The following NDUFAF6 variants were observed in gnomAD, a reference collection of about 807,000 sequenced individuals.
NDUFAF6 encodes the protein NADH:ubiquinone oxidoreductase complex assembly factor 6.
NDUFAF6 carries 45 observed loss-of-function variants against 40.8 expected under a neutral mutation model. The observed-to-expected ratio is 1.10, with a 90% CI of 0.87 to 1.42. The LOEUF is 1.42. Among genes scored for constraint, NDUFAF6 ranks in the 40% most tolerant of loss-of-function variants. The pLI, the probability that NDUFAF6 is intolerant of heterozygous loss-of-function variation, is 0.00. For synonymous variants in NDUFAF6, 185 were observed against 155.9 expected, an observed-to-expected ratio of 1.19 and a Z score of -1.39; for missense variants, 435 against 418.5, an observed-to-expected ratio of 1.04 and a Z score of -0.34.
chr8:95,105,600 C>G (rs1369497470), downstream of NDUFAF6, among the ~76,000 whole-genome samples: 2 of 152,154 alleles, frequency 1.3e-5, no homozygotes, highest in East Asian at 3.9e-4. Flanking sequence ...CTCCTGGGCT[C>G]AAGCAATTCT....
At chr8:95,003,243 G>A (rs1489398782) in intron 2 of NDUFAF6, among the ~76,000 whole-genome samples, 1 of 152,202 alleles carries the variant, frequency 6.6e-6, no homozygotes, top group African/African-American at 2.4e-5. Context: ...ATGAGCAGAA[G>A]AGACTCTCTG....
chr8:94,918,516 G>A (rs1819285660), intron 1 of NDUFAF6, among the ~76,000 whole-genome samples: 1 of 152,186 alleles, frequency 6.6e-6, no homozygotes, highest in African/African-American at 2.4e-5. Context: ...TACCCTGTGA[G>A]ATAGCTATAT....
chr8:95,083,813 G>A (rs1258003696), intron 2 of NDUFAF6, among the ~76,000 whole-genome samples: 1 of 152,150 alleles, frequency 6.6e-6, no homozygotes, highest in Non-Finnish European at 1.5e-5. Context: ...GATTTCTAAT[G>A]GAGACAAAGT....
At chr8:94,973,446 C>T (rs528699400) in intron 1 of NDUFAF6, among the ~76,000 whole-genome samples, 3 of 152,302 alleles carry the variant, frequency 2.0e-5, no homozygotes, top group South Asian at 2.1e-4. Flanking sequence ...CGGTGGCTCA[C>T]GCCTGTAATC....
At chr8:95,072,946 C>T (rs2132037888) in intron 9 of NDUFAF6, 1 of 154,022 alleles carries the variant, frequency 6.5e-6, no homozygotes, top group South Asian at 2.1e-4. Flanking sequence ...ATCTCCTCAG[C>T]ACCTGAACGC....
At chr8:95,091,083 G>T (rs760014111) in intron 2 of NDUFAF6, among the ~76,000 whole-genome samples, 2 of 148,904 alleles carry the variant, frequency 1.3e-5, no homozygotes, top group Non-Finnish European at 3.0e-5. Context: ...ATCCTATTCT[G>T]TCCCTCTAGA....
chr8:94,942,308 A>G (rs529264990), intron 1 of NDUFAF6, among the ~76,000 whole-genome samples: 36 of 152,008 alleles, frequency 2.4e-4, no homozygotes, highest in Middle Eastern at 6.8e-3. Context: ...CCAAAGTGCT[A>G]GGATTACAGG....
intron 1 of NDUFAF6, among the ~76,000 whole-genome samples, chr8:94,963,328 C>G (rs1298728359): frequency 6.6e-6 from 1 of 152,096 alleles, no homozygotes; most frequent in Non-Finnish European, 1.5e-5. Context: ...GGTCCTGCCC[C>G]CAAGGTGCTC....
chr8:95,102,789 G>C (rs1214457456), intron 2 of NDUFAF6, among the ~76,000 whole-genome samples: 1 of 152,156 alleles, frequency 6.6e-6, no homozygotes, highest in East Asian at 1.9e-4. Flanking sequence ...GAAGCAAACT[G>C]TATGTCTTCT....
At chr8:94,906,258 C>G (rs1586605587) in intron 1 of NDUFAF6, among the ~76,000 whole-genome samples, 1 of 152,178 alleles carries the variant, frequency 6.6e-6, no homozygotes, top group South Asian at 2.1e-4. Flanking sequence ...GACCACTGCT[C>G]CAGCTGAACT....
chr8:95,030,314 C>T lies in NDUFAF6; in HGVS notation c.198-1681C>T, dbSNP rs142018949. On this transcript the variant is annotated intron_variant, in intron 1 of 8. Coordinates refer to ENST00000396124, the MANE Select transcript of NDUFAF6 (RefSeq NM_152416.4). ...GATCATAGCTCACTGTAACCTTGAA[C>T]TCCTGGGCTCAAGTAATCCTCCCAC... 5.8e-3 allele frequency among the ~76,000 whole-genome samples: 879 copies of T among 152,224 alleles called. 4 individuals carry two copies. Among genetic ancestry groups the T allele is most frequent in the African/African-American group, 0.02 (823 of 41,514 alleles).
rs71273438 is a variant in NDUFAF6, at chr8:94,946,696, CAAAAAAAAA to C, written c.-799+1093_-799+1101del. On this transcript the variant is annotated intron_variant, in intron 2 of 14. Coordinates refer to the NDUFAF6 transcript ENST00000396113. ...TGGTCAACAGAGTAAGACCCTGTCT[CAAAAAAAAA>C]AAAAAAAAAAAAAAAGACAGGCCCT... 3.2e-4 allele frequency among the ~76,000 whole-genome samples: 11 copies of C among 34,698 alleles called. 1 individual carries two copies. The highest frequency in any genetic ancestry group is 1.9e-4 in the African/African-American group (2 of 10,596). The allele number at this position is 34,698 out of a possible 152,430, so 22.8% of individuals were successfully genotyped here. A position where few individuals can be genotyped will look rare whatever the true frequency, so the allele number is the denominator to read the frequency against.
In NDUFAF6 at chr8:94,948,829, C is replaced by A. The variant is rs370843658; in HGVS notation, c.-799+3210C>A. Among the ~76,000 whole-genome samples the A allele has an allele frequency of 8.1e-3, 1,230 of 152,124 alleles. 26 individuals carry two copies. Among genetic ancestry groups the A allele is most frequent in the African/African-American group, 0.027 (1,131 of 41,540 alleles). Reference sequence around the variant, plus strand: ...CGCGGCCAAGAAAACAAGCCACGCTCGGGGGAGGAGGCAGAGACCAAACTC... The same window carrying A: ...CGCGGCCAAGAAAACAAGCCACGCTAGGGGGAGGAGGCAGAGACCAAACTC... On this transcript the variant is annotated intron_variant, in intron 2 of 14. Transcript: ENST00000396113.
At chr8:94,935,681 C>T (rs1010176841) in intron 1 of NDUFAF6, among the ~76,000 whole-genome samples, 5 of 152,102 alleles carry the variant, frequency 3.3e-5, no homozygotes, top group African/African-American at 1.2e-4. Context: ...TATGGGAGCT[C>T]CATGTACTGT....
chr8:95,024,927 C>A (rs955730132), upstream of NDUFAF6: 4 of 1,178,626 alleles, frequency 3.4e-6, no homozygotes, highest in Non-Finnish European at 4.3e-6. Context: ...CTCAAAGGAG[C>A]ATAGGGGAAC....
At chr8:94,907,150 C>T (rs760296267) in intron 1 of NDUFAF6, among the ~76,000 whole-genome samples, 3 of 151,438 alleles carry the variant, frequency 2.0e-5, no homozygotes, top group African/African-American at 4.9e-5. Context: ...TTCTCTCCTG[C>T]GGTTACTCTA....
At chr8:95,037,935 G>A (rs1423684365) in intron 3 of NDUFAF6, among the ~76,000 whole-genome samples, 5 of 152,240 alleles carry the variant, frequency 3.3e-5, no homozygotes, top group Non-Finnish European at 7.3e-5. Flanking sequence ...TCAGGCTGGA[G>A]TGCAGTGGTG....
At chr8:94,975,114 A>G (rs1319520994) in intron 1 of NDUFAF6, among the ~76,000 whole-genome samples, 3 of 152,212 alleles carry the variant, frequency 2.0e-5, no homozygotes, top group Non-Finnish European at 2.9e-5. Context: ...TCTCATTCCA[A>G]TGCTGAGTTG....
chr8:95,093,750 C>T (rs1809347003), intron 2 of NDUFAF6, among the ~76,000 whole-genome samples: 1 of 152,336 alleles, frequency 6.6e-6, no homozygotes. Context: ...CTTAGGTCAA[C>T]AGTTGGGAGG....
Sources: allele counts gnomAD v4.1 joint callset (sites outside exome capture counted in the v4.1 genomes callset), GRCh38; gene constraint gnomAD v4.1.1; transcripts MANE v1.5; gene names NCBI Gene and HGNC (gene_info 2026-07-23, HGNC 2026-07-21).